PLEKHM2: variants seen among roughly 807,000 people sequenced by gnomAD.
PLEKHM2 encodes the protein pleckstrin homology and RUN domain containing M2.
A neutral mutation model predicts 116.3 loss-of-function variants in PLEKHM2; 77 were observed. That is an observed-to-expected ratio of 0.66 (90% CI 0.55 to 0.80). PLEKHM2 has a LOEUF of 0.80. Among genes scored for constraint, PLEKHM2 ranks in the 30% least tolerant of loss-of-function variants. PLEKHM2 has a pLI of 0.00. For missense variants in PLEKHM2, 1,183 were observed against 1,354.9 expected (o/e 0.87, Z 1.99); for synonymous variants, 562 against 571.0 (o/e 0.98, Z 0.22).
At chr1:15,701,113 C>CAAAA (rs35537871) in intron 1 of PLEKHM2, among the ~76,000 whole-genome samples, 3,158 of 81,692 alleles carry the variant, frequency 0.039, 347 homozygotes, top group African/African-American at 0.17. Context: ...AACTCTGTCT[C>CAAAA]AAAAAAAAAA....
At position 15,729,773 on chromosome 1, in the gene PLEKHM2, C is replaced by T. The variant is rs372504195; in HGVS notation, c.2076-24C>T. The T allele has an allele frequency of 3.1e-6, 5 of 1,600,696 alleles. No homozygotes were observed. Among genetic ancestry groups the T allele is most frequent in the Middle Eastern group, 1.7e-4 (1 of 5,986 alleles). ...TGAGGCCCTGTTCCCAGGCCTCTAA[C>T]CACAAACCTCACTCCCTATGCAGGT... On this transcript the variant is annotated intron_variant, in intron 13 of 19. Transcript: ENST00000375799. The surrounding 1 kb of genome is among the most constrained non-coding windows in gnomAD (Gnocchi z 4.7).
chr1:15,704,070 CTTGCTTACTTTTGAATTTTCT>C (rs1429089690), intron 1 of PLEKHM2, among the ~76,000 whole-genome samples: 1 of 152,108 alleles, frequency 6.6e-6, no homozygotes, highest in Non-Finnish European at 1.5e-5. Flanking sequence ...CTCAGCTGAC[CTTGCTTACTTTTGAATTTTCT>C]TCTGATGACA....
At chr1:15,725,600 C>T in intron 8 of PLEKHM2, 55 bp downstream of exon 8, 2 of 1,255,000 alleles carry the variant, frequency 1.6e-6, no homozygotes, top group Non-Finnish European at 2.3e-6. Flanking sequence ...AACCTGTCCA[C>T]TCCCAGCATC....
At chr1:15,732,326 G>A (rs1482233483) in intron 17 of PLEKHM2, 24 bp from the exon 18 acceptor site, 18 of 1,540,300 alleles carry the variant, frequency 1.2e-5, no homozygotes, top group Non-Finnish European at 1.5e-5. Context: ...GCCCCAGCCT[G>A]CCTCTCCCCT....
chr1:15,730,861 T>C, intron 15 of PLEKHM2, 139 bp downstream of exon 15: 1 of 722,806 alleles, frequency 1.4e-6, no homozygotes, highest in South Asian at 1.9e-5. Flanking sequence ...CTACCAGAGC[T>C]TGGAGTTGAC....
At chr1:15,700,758 G>C (rs1328496193) in intron 1 of PLEKHM2, among the ~76,000 whole-genome samples, 1 of 152,192 alleles carries the variant, frequency 6.6e-6, no homozygotes, top group African/African-American at 2.4e-5. Flanking sequence ...TTAGATCGCA[G>C]AGGAGAGTCT....
chr1:15,682,403 A>T (rs556758863), upstream of PLEKHM2, among the ~76,000 whole-genome samples: 1 of 149,014 alleles, frequency 6.7e-6, no homozygotes, highest in Admixed American at 6.8e-5. Flanking sequence ...GTGAGCTGAA[A>T]TTGTGCCACC....
intron 1 of PLEKHM2, among the ~76,000 whole-genome samples, chr1:15,694,079 T>A (rs1372711592): frequency 6.6e-6 from 1 of 152,022 alleles, no homozygotes; most frequent in Non-Finnish European, 1.5e-5. Flanking sequence ...CTTGGCCAGG[T>A]GTGGTGGCTC....
Position 15,729,182 on chromosome 1 carries a change from G to T in PLEKHM2, c.2067G>T (p.Ala689=). 1.2e-6 allele frequency: 2 copies of T among 1,609,258 alleles called. No homozygotes were observed. Among genetic ancestry groups the T allele is most frequent in the Non-Finnish European group, 1.7e-6 (2 of 1,177,792 alleles). The stretch of plus-strand genomic sequence containing the variant: ...TTCTGCTGGACACGGCTGATGTGGC[G>T]CTGGCTGAGTGAGTGGCAACCCCGC... ...KQFLLDTADV[A]LAEFFLASLK... Residue 689 remains alanine, a synonymous_variant, in exon 13 of 20, where the codon GCG becomes GCT. Transcript: ENST00000375799. The surrounding 1 kb of genome is among the most constrained non-coding windows in gnomAD (Gnocchi z 4.7).
intron 1 of PLEKHM2, among the ~76,000 whole-genome samples, chr1:15,693,702 G>A (rs1466436409): frequency 4.6e-5 from 7 of 152,194 alleles, no homozygotes; most frequent in Admixed American, 4.6e-4. Flanking sequence ...GGAGCCCAGT[G>A]TGAAAAGAAA....
In PLEKHM2 at chr1:15,728,710, TACAATGA is replaced by T; in HGVS notation, c.1966_1972del (p.Asn656LeufsTer13). ...ATACCTGGTGGAAGAGGCCGTTTCT[TACAATGA>T]ACTTGACTATGTGTCGGTGAGTCCA... is the stretch of plus-strand genomic sequence containing the variant. On this transcript the variant is annotated frameshift_variant, in exon 12 of 20. Coordinates refer to ENST00000375799, the MANE Select transcript of PLEKHM2 (RefSeq NM_015164.4). LOFTEE classifies it high-confidence loss of function. This position sits in a 1 kb window ranked among gnomAD's most constrained non-coding sequence, Gnocchi z 5.9. 6.2e-7 allele frequency: 1 copy of T among 1,611,328 alleles called. No homozygotes were observed. Among genetic ancestry groups the T allele is most frequent in the Non-Finnish European group, 8.5e-7 (1 of 1,178,776 alleles).
At position 15,727,231 on chromosome 1, in the gene PLEKHM2, G is replaced by C. The variant is rs376491799; in HGVS notation, c.1159G>C (p.Glu387Gln). The C allele has an allele frequency of 1.4e-5, 22 of 1,602,938 alleles. No homozygotes were observed. Among genetic ancestry groups the C allele is most frequent in the Non-Finnish European group, 1.9e-5 (22 of 1,175,982 alleles). The change falls in exon 9 of 20, where the codon GAG becomes CAG. Residue 387 changes from glutamate (E) to glutamine (Q), a missense_variant. By Grantham distance (29) the Glu-to-Gln change is conservative (BLOSUM62 2). Transcript: ENST00000375799. This position sits in a 1 kb window ranked among gnomAD's most constrained non-coding sequence, Gnocchi z 7.5. ...GCCGAGCAGCACCACGGAGAGCAGC[G>C]AGCGCTCCGAGCCGGGCCTGCTGAT... ...EGPSSTTESS[E>Q]RSEPGLLIPE... is the part of the protein sequence containing the mutation.
chr1:15,696,656 T>C (rs1226972243), intron 1 of PLEKHM2, among the ~76,000 whole-genome samples: 1 of 152,188 alleles, frequency 6.6e-6, no homozygotes, highest in Non-Finnish European at 1.5e-5. Flanking sequence ...TGGGCACAAA[T>C]ATTTGTTGAG....
rs2068166269 is a variant in PLEKHM2, at chr1:15,732,857, C to T, written c.2922+129C>T. 11 of 641,260 alleles carry T rather than the reference C, an allele frequency of 1.7e-5. No individual in the cohort carries two copies. The Admixed American group carries it at 2.0e-4, about 12-fold the overall frequency. The allele number at this position is 641,260 out of a possible 1,614,324, so 39.7% of individuals were successfully genotyped here. A position where few individuals can be genotyped will look rare whatever the true frequency, so the allele number is the denominator to read the frequency against. On this transcript the variant is annotated intron_variant, in intron 19 of 19. Coordinates refer to ENST00000375799, the MANE Select transcript of PLEKHM2 (RefSeq NM_015164.4). Reference sequence around the variant, plus strand: ...CAGGGTCCTGGGCACAGCCATGTACCAGGGCGCTCCTGCCTCAGCCCCGGG... The same window carrying T: ...CAGGGTCCTGGGCACAGCCATGTACTAGGGCGCTCCTGCCTCAGCCCCGGG...
intron 1 of PLEKHM2, among the ~76,000 whole-genome samples, chr1:15,686,154 G>A (rs149182029): frequency 7.2e-5 from 11 of 152,326 alleles, no homozygotes; most frequent in Non-Finnish European, 1.3e-4. Flanking sequence ...AAGTCAGGCT[G>A]TCACTTATGA....
chr1:15,709,025 C>T lies in PLEKHM2; in HGVS notation c.61-7212C>T, dbSNP rs569371965. The stretch of plus-strand genomic sequence containing the variant: ...TTTTACAGACAAGGAAAACGAGTTT[C>T]GAGAGGTTAGGTAACTTGCCCAAGG... On this transcript the variant is annotated intron_variant, in intron 1 of 19. Transcript: ENST00000375799. Among the ~76,000 whole-genome samples, 82 of 152,228 alleles carry T rather than the reference C, an allele frequency of 5.4e-4. 2 individuals are homozygous for T. In the South Asian group the frequency reaches 0.016, roughly 30 times the overall value.
chr1:15,685,506 T>C (rs1233154444), intron 1 of PLEKHM2, among the ~76,000 whole-genome samples: 2 of 148,898 alleles, frequency 1.3e-5, no homozygotes, highest in Non-Finnish European at 3.0e-5. Context: ...TTTGTGTAAT[T>C]TGAATTCCTG....
intron 1 of PLEKHM2, among the ~76,000 whole-genome samples, chr1:15,699,387 C>G (rs894898944): frequency 6.6e-6 from 1 of 152,126 alleles, no homozygotes; most frequent in Non-Finnish European, 1.5e-5. Flanking sequence ...GTTCCCCGCC[C>G]CGTGTCCAAG....
At chr1:15,704,799 G>A (rs143512433) in intron 1 of PLEKHM2, among the ~76,000 whole-genome samples, 1 of 152,284 alleles carries the variant, frequency 6.6e-6, no homozygotes, top group Non-Finnish European at 1.5e-5. Context: ...ACCTGCCCTT[G>A]GGAAACTTTC....
Sources: allele counts gnomAD v4.1 joint callset (sites outside exome capture counted in the v4.1 genomes callset), GRCh38; gene constraint gnomAD v4.1.1; non-coding constraint Gnocchi (gnomAD v3.1); transcripts MANE v1.5; gene names NCBI Gene and HGNC (gene_info 2026-07-23, HGNC 2026-07-21).